ATP2B2: variants seen among roughly 807,000 people sequenced by gnomAD.
ATP2B2 encodes the protein plasma membrane calcium-transporting ATPase 2.
ATP2B2 carries 15 observed loss-of-function variants against 120.0 expected under a neutral mutation model. The observed-to-expected ratio is 0.12, with a 90% CI of 0.08 to 0.19. ATP2B2 has a LOEUF of 0.19. Ranked by LOEUF, ATP2B2 falls within the 10% of genes least tolerant of loss-of-function variation. The pLI, the probability that ATP2B2 is intolerant of heterozygous loss-of-function variation, is 1.00. For synonymous variants in ATP2B2, 694 were observed against 700.3 expected (o/e 0.99, Z 0.14); for missense variants, 1,045 against 1,719.8 (o/e 0.61, Z 6.94).
chr3:10,344,300 C>T (rs770053471), intron 18 of ATP2B2, among the ~76,000 whole-genome samples: 5 of 152,138 alleles, frequency 3.3e-5, no homozygotes, highest in Admixed American at 1.3e-4. Flanking sequence ...TTGCTGGGGC[C>T]GCAGGAGTGT....
intron 3 of ATP2B2, among the ~76,000 whole-genome samples, chr3:10,406,618 G>T (rs758631181): frequency 3.3e-5 from 5 of 152,212 alleles, no homozygotes; most frequent in Non-Finnish European, 5.9e-5. Context: ...GTGCCATCTA[G>T]GTATGTGTAA....
At chr3:10,700,501 G>A (rs1045577938) in intron 1 of ATP2B2, among the ~76,000 whole-genome samples, 3 of 152,200 alleles carry the variant, frequency 2.0e-5, no homozygotes, top group Non-Finnish European at 4.4e-5. Context: ...TGAAACTGGA[G>A]AAGTCAACAA....
intron 14 of ATP2B2, among the ~76,000 whole-genome samples, chr3:10,354,866 C>T (rs571470789): frequency 3.9e-5 from 6 of 152,252 alleles, no homozygotes; most frequent in Admixed American, 3.9e-4. Context: ...CTGGAGGCAC[C>T]AGGAAGGGAG....
chr3:10,669,478 T>C (rs1326781464), intron 1 of ATP2B2, among the ~76,000 whole-genome samples: 6 of 152,080 alleles, frequency 3.9e-5, no homozygotes, highest in African/African-American at 1.4e-4. Context: ...GGGGCTCACC[T>C]CTCAACCTCA....
At position 10,447,934 on chromosome 3, in the gene ATP2B2, T is replaced by A. The variant is rs3774134; in HGVS notation, c.199+1411A>T. 2.1e-3 allele frequency among the ~76,000 whole-genome samples: 321 copies of A among 152,284 alleles called. 5 individuals are homozygous for A. In the South Asian group the frequency reaches 0.042, roughly 20 times the overall value. Reference sequence around the variant, plus strand: ...ATGGGCAAAATGTCAGTGAGAACAGTCAATGTGGGAAGAAGAACCAGTTTT... The same window carrying A: ...ATGGGCAAAATGTCAGTGAGAACAGACAATGTGGGAAGAAGAACCAGTTTT... On this transcript the variant is annotated intron_variant, in intron 2 of 22. Coordinates refer to ENST00000360273, the MANE Select transcript of ATP2B2 (RefSeq NM_001001331.4).
intron 2 of ATP2B2, among the ~76,000 whole-genome samples, chr3:10,441,152 C>T (rs2063650409): frequency 6.6e-6 from 1 of 152,158 alleles, no homozygotes; most frequent in African/African-American, 2.4e-5. Context: ...GGAAGGGGTT[C>T]CTCCTTCCTC....
intron 2 of ATP2B2, among the ~76,000 whole-genome samples, chr3:10,575,887 T>C (rs1043671918): frequency 5.3e-5 from 8 of 152,166 alleles, no homozygotes; most frequent in African/African-American, 1.9e-4. Flanking sequence ...CTGGAAACTG[T>C]CCAAAATCTG....
chr3:10,467,454 G>A lies in ATP2B2; in HGVS notation c.-319-17592C>T, dbSNP rs184238013. On this transcript the variant is annotated intron_variant, in intron 1 of 22. Transcript: ENST00000360273. ...GCTGATCCCTCCATGGGGCTTGACC[G>A]CTCATGCCCTTTAGGGTCCAACCAT... is the stretch of plus-strand genomic sequence containing the variant. Among the ~76,000 whole-genome samples the A allele has an allele frequency of 5.9e-5, 9 of 152,244 alleles. No homozygotes were observed. The East Asian group carries it at 1.5e-3, about 26-fold the overall frequency.
At chr3:10,480,785 A>C (rs1374161926) in intron 1 of ATP2B2, among the ~76,000 whole-genome samples, 1 of 152,150 alleles carries the variant, frequency 6.6e-6, no homozygotes, top group African/African-American at 2.4e-5. Flanking sequence ...TCCCCACTAC[A>C]ACCCCTTCTG....
At chr3:10,705,222 C>T (rs1357904718) in intron 1 of ATP2B2, among the ~76,000 whole-genome samples, 1 of 152,222 alleles carries the variant, frequency 6.6e-6, no homozygotes, top group Non-Finnish European at 1.5e-5. Flanking sequence ...AAATTCAGAA[C>T]TTACCATGTC....
At chr3:10,445,005 G>A (rs1293082271) in intron 2 of ATP2B2, among the ~76,000 whole-genome samples, 1 of 152,230 alleles carries the variant, frequency 6.6e-6, no homozygotes, top group Non-Finnish European at 1.5e-5. Context: ...GGACCACCTG[G>A]CACTAGTCGC....
chr3:10,588,427 C>A (rs949160769), intron 2 of ATP2B2, among the ~76,000 whole-genome samples: 4 of 152,170 alleles, frequency 2.6e-5, no homozygotes, highest in Non-Finnish European at 5.9e-5. Context: ...TTTGTGAACC[C>A]CTTCCACATC....
Position 10,533,724 on chromosome 3 carries a change from C to T in ATP2B2, c.-320+315G>A, listed in dbSNP as rs150380495. 1.1e-3 allele frequency among the ~76,000 whole-genome samples: 172 copies of T among 152,328 alleles called. 1 individual carries two copies. The highest frequency in any genetic ancestry group is 1.1e-3 in the Non-Finnish European group (78 of 68,024). On this transcript the variant is annotated intron_variant, in intron 3 of 21. Coordinates refer to the ATP2B2 transcript ENST00000646379. ...CCCAGGGCAGAGGCAGTGTCAGATCCGCCTGGGCTCCCCAGTGCCAGTGCT... is the reference window on the plus strand; with the variant it reads ...CCCAGGGCAGAGGCAGTGTCAGATCTGCCTGGGCTCCCCAGTGCCAGTGCT...
chr3:10,399,019 T>G (rs999710279), intron 5 of ATP2B2, among the ~76,000 whole-genome samples: 2 of 152,212 alleles, frequency 1.3e-5, no homozygotes, highest in African/African-American at 4.8e-5. Flanking sequence ...CTTGGCTGGT[T>G]TGTGATGCTG....
intron 1 of ATP2B2, among the ~76,000 whole-genome samples, chr3:10,492,969 TG>T: frequency 6.6e-6 from 1 of 152,328 alleles, no homozygotes; most frequent in Non-Finnish European, 1.5e-5. Context: ...AGGGCTGTTC[TG>T]GGTTTATTCT....
chr3:10,417,080 G>A (rs1219905748), intron 2 of ATP2B2, among the ~76,000 whole-genome samples: 4 of 123,288 alleles, frequency 3.2e-5, no homozygotes, highest in Admixed American at 1.5e-4. Context: ...GGGGGGGGGC[G>A]GGCAGAGGGG....
At chr3:10,484,968 C>A (rs1334604031) in intron 1 of ATP2B2, among the ~76,000 whole-genome samples, 1 of 152,170 alleles carries the variant, frequency 6.6e-6, no homozygotes, top group Non-Finnish European at 1.5e-5. Flanking sequence ...ATAAGAAGGC[C>A]CTGGGCACAG....
chr3:10,600,321 G>A (rs2068874005), intron 2 of ATP2B2, among the ~76,000 whole-genome samples: 1 of 152,194 alleles, frequency 6.6e-6, no homozygotes. Flanking sequence ...GTAACCCATT[G>A]CTGACTGGCA....
At chr3:10,417,439 A>T (rs965606011) in intron 2 of ATP2B2, among the ~76,000 whole-genome samples, 1 of 152,170 alleles carries the variant, frequency 6.6e-6, no homozygotes, top group African/African-American at 2.4e-5. Flanking sequence ...TCTGGGAAGG[A>T]GGGAGGGAGC....
Sources: gnomAD v4.1 joint callset for allele counts (sites outside exome capture counted in the v4.1 genomes callset) on GRCh38, gnomAD v4.1.1 for gene constraint, MANE v1.5 for transcripts, NCBI Gene and HGNC (gene_info 2026-07-23, HGNC 2026-07-21) for gene names.